The following PDE4D variants were observed in gnomAD, a reference collection of about 807,000 sequenced individuals.
The protein encoded by PDE4D is phosphodiesterase 4D.
In PDE4D, 24 loss-of-function variants were observed where a neutral mutation model predicts 87.4. That is an observed-to-expected ratio of 0.27 (90% CI 0.20 to 0.39). The LOEUF is 0.39. Ranked by LOEUF, PDE4D falls within the 10% of genes least tolerant of loss-of-function variation. The pLI, the probability that PDE4D is intolerant of heterozygous loss-of-function variation, is 1.00. For synonymous variants in PDE4D, 384 were observed against 383.2 expected, an observed-to-expected ratio of 1.00 and a Z score of -0.02; for missense variants, 714 against 1,041.0, an observed-to-expected ratio of 0.69 and a Z score of 4.32.
intron 1 of PDE4D, among the ~76,000 whole-genome samples, chr5:59,600,712 T>A (rs295949): frequency 0.047 from 7,080 of 152,206 alleles, 223 homozygotes; most frequent in East Asian, 0.089. Context: ...AGCTGGTGGG[T>A]GAGCTCATCT....
intron 1 of PDE4D, among the ~76,000 whole-genome samples, chr5:60,379,825 C>G (rs529275220): frequency 1.3e-5 from 2 of 152,260 alleles, no homozygotes; most frequent in South Asian, 2.1e-4. Context: ...CCCTTCACCC[C>G]CTTGGCCTGA....
At chr5:59,669,550 T>C (rs562593476) in intron 1 of PDE4D, among the ~76,000 whole-genome samples, 10 of 152,332 alleles carry the variant, frequency 6.6e-5, no homozygotes, top group Non-Finnish European at 1.3e-4. Flanking sequence ...AAAATTAGTT[T>C]TCTCCATTAA....
intron 2 of PDE4D, among the ~76,000 whole-genome samples, chr5:60,083,434 C>A (rs1056785279): frequency 3.9e-5 from 6 of 152,100 alleles, no homozygotes; most frequent in African/African-American, 1.4e-4. Flanking sequence ...GCAAAAGAAG[C>A]CACTCACGAT....
At chr5:59,989,329 C>T (rs1762783595) in intron 2 of PDE4D, among the ~76,000 whole-genome samples, 1 of 151,624 alleles carries the variant, frequency 6.6e-6, no homozygotes, top group Admixed American at 6.6e-5. Context: ...AGTAAAAATA[C>T]AGTATTATAA....
chr5:60,008,839 C>T (rs1020657117), intron 2 of PDE4D, among the ~76,000 whole-genome samples: 2 of 151,960 alleles, frequency 1.3e-5, no homozygotes, highest in African/African-American at 2.4e-5. Context: ...GTGTTTTAGA[C>T]TTTATATTTT....
At chr5:60,483,646 T>C (rs987689544) in intron 1 of PDE4D, among the ~76,000 whole-genome samples, 1 of 152,180 alleles carries the variant, frequency 6.6e-6, no homozygotes, top group African/African-American at 2.4e-5. Flanking sequence ...TGAAGAAGTG[T>C]TCTTATCCAA....
chr5:58,981,920 T>C (rs976642290), intron 11 of PDE4D, among the ~76,000 whole-genome samples: 1 of 152,132 alleles, frequency 6.6e-6, no homozygotes, highest in African/African-American at 2.4e-5. Flanking sequence ...AGTAACCCAA[T>C]TTCCCCTTGG....
intron 1 of PDE4D, among the ~76,000 whole-genome samples, chr5:59,698,550 A>C (rs1246368810): frequency 6.6e-6 from 1 of 152,156 alleles, no homozygotes; most frequent in Non-Finnish European, 1.5e-5. Flanking sequence ...ACTTGTTTAA[A>C]AACATTAGAA....
intron 2 of PDE4D, among the ~76,000 whole-genome samples, chr5:60,115,150 T>A (rs1778049319): frequency 6.6e-6 from 1 of 152,128 alleles, no homozygotes; most frequent in Non-Finnish European, 1.5e-5. Flanking sequence ...CAGAATGTGG[T>A]TCTCCTATTC....
intron 2 of PDE4D, among the ~76,000 whole-genome samples, chr5:60,066,873 A>G (rs1772160851): frequency 6.6e-6 from 1 of 152,080 alleles, no homozygotes; most frequent in Non-Finnish European, 1.5e-5. Flanking sequence ...ATCCAGCAGG[A>G]AGCTCAATAC....
chr5:59,350,807 G>T (rs1780413618), intron 1 of PDE4D, among the ~76,000 whole-genome samples: 1 of 152,134 alleles, frequency 6.6e-6, no homozygotes, highest in East Asian at 1.9e-4. Context: ...GGCACATGAA[G>T]TAACTTGCCC....
intron 2 of PDE4D, among the ~76,000 whole-genome samples, chr5:59,998,826 T>C (rs1181674715): frequency 1.3e-5 from 2 of 152,140 alleles, no homozygotes; most frequent in Admixed American, 6.6e-5. Context: ...TATTTTCTTA[T>C]ATAAGAACTT....
At chr5:59,302,429 ATAAG>A (rs1348778315) in intron 1 of PDE4D, among the ~76,000 whole-genome samples, 14 of 152,152 alleles carry the variant, frequency 9.2e-5, no homozygotes, top group African/African-American at 2.9e-4. Flanking sequence ...ATTTAGTTAT[ATAAG>A]TAAGTTCTTT....
rs115792224 is a variant in PDE4D at position 60,325,013 on chromosome 5, G to C, written c.-89-139326C>G. On this transcript the variant is annotated intron_variant, in intron 1 of 16. Transcript: ENST00000502484. The stretch of plus-strand genomic sequence containing the variant: ...AAGAGGAAAAAACTAAAAGAACATG[G>C]TGAGGCTCCCCAGGCTATAAGTTAC... Among the ~76,000 whole-genome samples, 673 of 152,276 alleles carry C rather than the reference G, an allele frequency of 4.4e-3. 4 individuals are homozygous for C. The highest frequency in any genetic ancestry group is 0.016 in the African/African-American group (656 of 41,546).
chr5:59,755,556 T>C (rs1303566125), intron 1 of PDE4D, among the ~76,000 whole-genome samples: 1 of 152,136 alleles, frequency 6.6e-6, no homozygotes, highest in Non-Finnish European at 1.5e-5. Flanking sequence ...GGAAGCCTGG[T>C]TCTATTCAGA....
chr5:60,326,054 AATCATTCACCC>A (rs1397837316), intron 1 of PDE4D, among the ~76,000 whole-genome samples: 1 of 151,502 alleles, frequency 6.6e-6, no homozygotes. Flanking sequence ...CAGTTTGTTT[AATCATTCACCC>A]ACTGAAGGAC....
chr5:60,189,535 C>A (rs947423230), intron 1 of PDE4D, among the ~76,000 whole-genome samples: 2 of 152,040 alleles, frequency 1.3e-5, no homozygotes, highest in African/African-American at 2.4e-5. Context: ...AAGTTCCCTG[C>A]AAATATAAAT....
intron 1 of PDE4D, among the ~76,000 whole-genome samples, chr5:59,412,944 T>C (rs1467363710): frequency 6.6e-6 from 1 of 152,194 alleles, no homozygotes; most frequent in Non-Finnish European, 1.5e-5. Flanking sequence ...TTGCTGGTAC[T>C]ATATTATGGT....
At position 60,198,095 on chromosome 5, in the gene PDE4D, C is replaced by T. The variant is rs1178370737; in HGVS notation, c.-89-12408G>A. The stretch of plus-strand genomic sequence containing the variant: ...TACTGTTTTACCAATTTATTATAGA[C>T]ATTAAAAATAACAAGCAACAAAATC... On this transcript the variant is annotated intron_variant, in intron 1 of 16. Transcript: ENST00000502484. Among the ~76,000 whole-genome samples the T allele has an allele frequency of 1.3e-5, 2 of 148,588 alleles. 1 individual carries two copies. Among genetic ancestry groups the T allele is most frequent in the Non-Finnish European group, 3.0e-5 (2 of 67,222 alleles).
Sources: allele counts gnomAD v4.1 joint callset (sites outside exome capture counted in the v4.1 genomes callset), GRCh38; gene constraint gnomAD v4.1.1; transcripts MANE v1.5; gene names NCBI Gene and HGNC (gene_info 2026-07-23, HGNC 2026-07-21).